KCTD14: variants seen among roughly 807,000 people sequenced by gnomAD.
The protein encoded by KCTD14 is BTB/POZ domain-containing protein KCTD14.
KCTD14 carries 7 observed loss-of-function variants against 5.9 expected under a neutral mutation model. That is an observed-to-expected ratio of 1.19 (90% confidence interval 0.68 to 2.23). The LOEUF (loss-of-function observed/expected upper bound fraction) is 2.23. Among genes scored for constraint, KCTD14 ranks in the 30% most tolerant of loss-of-function variants. The pLI is 0.00. For synonymous variants in KCTD14, 140 were observed against 133.1 expected (o/e 1.05, Z -0.36); for missense variants, 342 against 332.2 (o/e 1.03, Z -0.23).
At chr11:78,023,812 G>C (rs1362470089), upstream of KCTD14, 1 of 153,522 alleles carries the variant, frequency 6.5e-6, no homozygotes, top group African/African-American at 2.4e-5. Context: ...GAGGCAGAAG[G>C]AATTGACATT....
upstream of KCTD14, among the ~76,000 whole-genome samples, chr11:78,024,591 G>T (rs1282239731): frequency 1.3e-5 from 2 of 151,678 alleles, no homozygotes; most frequent in East Asian, 3.9e-4. Flanking sequence ...TTTCGTTTCT[G>T]TCTAACATTA....
At chr11:78,024,411 TACACACAC>T (rs58091495), upstream of KCTD14, among the ~76,000 whole-genome samples, 29 of 116,874 alleles carry the variant, frequency 2.5e-4, no homozygotes, top group African/African-American at 7.9e-4. Context: ...TATATATATA[TACACACAC>T]ACACACACAC....
At chr11:78,023,111 G>C (rs770525488) in intron 1 of KCTD14, 49 bp downstream of exon 1, 1 of 1,249,158 alleles carries the variant, frequency 8.0e-7, no homozygotes, top group Non-Finnish European at 1.1e-6. Context: ...GAGGCGGAGG[G>C]AAGAGGCGGA....
intron 2 of KCTD14, among the ~76,000 whole-genome samples, chr11:78,028,665 G>A (rs1857535685): frequency 6.6e-6 from 1 of 151,362 alleles, no homozygotes; most frequent in African/African-American, 2.4e-5. Flanking sequence ...GTGGAGCCAG[G>A]CATGGTGACT....
At chr11:78,033,243 T>C (rs1857680014) in intron 2 of KCTD14, among the ~76,000 whole-genome samples, 1 of 152,204 alleles carries the variant, frequency 6.6e-6, no homozygotes, top group Admixed American at 6.5e-5. Context: ...TGCGTCATTG[T>C]TTGCAAAAGC....
At chr11:78,033,896 T>TAC (rs1857708840) in intron 2 of KCTD14, among the ~76,000 whole-genome samples, 2 of 121,680 alleles carry the variant, frequency 1.6e-5, no homozygotes, top group African/African-American at 7.1e-5. Context: ...TGTATGTGTG[T>TAC]GTGTGTATAT....
chr11:78,032,352 T>A (rs4945241), intron 2 of KCTD14, among the ~76,000 whole-genome samples: 1 of 152,164 alleles, frequency 6.6e-6, no homozygotes. Context: ...AGCTCTTGGG[T>A]CTTTTAACCC....
At chr11:78,024,443 C>CATAT (rs1265343544), upstream of KCTD14, among the ~76,000 whole-genome samples, 47 of 63,192 alleles carry the variant, frequency 7.4e-4, 1 homozygote, top group Non-Finnish European at 2.6e-4. Flanking sequence ...CACACACACA[C>CATAT]ACATATATAT....
intron 1 of KCTD14, among the ~76,000 whole-genome samples, chr11:78,042,086 C>T (rs959452127): frequency 6.6e-6 from 1 of 152,216 alleles, no homozygotes; most frequent in African/African-American, 2.4e-5. Context: ...ACCACCTTCA[C>T]AAAATTATCA....
chr11:78,023,380 G>A (rs1857360925), upstream of KCTD14: 2 of 833,304 alleles, frequency 2.4e-6, no homozygotes, highest in Non-Finnish European at 3.8e-6. Flanking sequence ...GAAAGAAATG[G>A]ACAGTCTGTC....
At chr11:78,022,847 A>T (rs541808306) in intron 1 of KCTD14, 6 of 302,838 alleles carry the variant, frequency 2.0e-5, no homozygotes, top group Middle Eastern at 9.3e-4. Context: ...GGCTAGGACA[A>T]GCCGGTGGGG....
intron 2 of KCTD14, among the ~76,000 whole-genome samples, chr11:78,036,018 G>C (rs1383137775): frequency 1.3e-5 from 2 of 151,452 alleles, no homozygotes; most frequent in Non-Finnish European, 2.9e-5. Flanking sequence ...AATTAGCTGG[G>C]TGTGGTGATG....
At chr11:78,033,039 C>T (rs115982268) in intron 2 of KCTD14, among the ~76,000 whole-genome samples, 1,954 of 152,192 alleles carry the variant, frequency 0.013, 42 homozygotes, top group African/African-American at 0.043. Context: ...TCAGTGTCCT[C>T]ATCTGCAAAA....
chr11:78,035,732 C>T (rs1350000819), intron 2 of KCTD14, among the ~76,000 whole-genome samples: 1 of 149,922 alleles, frequency 6.7e-6, no homozygotes, highest in Non-Finnish European at 1.5e-5. Context: ...GTAATCCCAA[C>T]TACTTGGTAG....
At chr11:78,034,142 CAGG>C (rs1486659773) in intron 2 of KCTD14, among the ~76,000 whole-genome samples, 1 of 151,742 alleles carries the variant, frequency 6.6e-6, no homozygotes, top group Non-Finnish European at 1.5e-5. Flanking sequence ...TTTTTTGAGA[CAGG>C]GTCTCACTCT....
intron 2 of KCTD14, among the ~76,000 whole-genome samples, chr11:78,028,535 G>A (rs1317716515): frequency 6.6e-6 from 1 of 151,604 alleles, no homozygotes; most frequent in African/African-American, 2.4e-5. Flanking sequence ...TCCGGGAGGC[G>A]GAGGTTGCAG....
chr11:78,016,559 C>A lies in KCTD14; in HGVS notation c.*34G>T, dbSNP rs374547036. On this transcript the variant is annotated 3_prime_UTR_variant, in exon 2 of 2. Transcript: ENST00000353172. ...TGGCAACTTTTAATTTCATAAGCCACGCCAGAATTCATAACAGTCTCTGCT... is the reference window on the plus strand; with the variant it reads ...TGGCAACTTTTAATTTCATAAGCCAAGCCAGAATTCATAACAGTCTCTGCT... The A allele has an allele frequency of 6.4e-7, 1 of 1,560,706 alleles. No individual in the cohort carries two copies. Among genetic ancestry groups the A allele is most frequent in the East Asian group, 2.3e-5 (1 of 44,382 alleles).
Position 78,017,264 on chromosome 11 carries a change from T to C in KCTD14, c.97A>G (p.Thr33Ala). ...CCCCCGACGTTCAGCTCCACAACAG[T>C]AGACATCTGGGGGCACAAGAGGCAG... ...SPRPRRPTMSTVVELNVGGEF... is the reference protein window; with the variant it reads ...SPRPRRPTMSAVVELNVGGEF... Residue 33 changes from threonine to alanine, a missense_variant, in exon 2 of 2, where the codon ACT becomes GCT. Coordinates refer to ENST00000353172, the MANE Select transcript of KCTD14 (RefSeq NM_023930.4). 1 of 1,590,806 alleles carries C rather than the reference T, an allele frequency of 6.3e-7. No individual in the cohort carries two copies. Among genetic ancestry groups the C allele is most frequent in the Non-Finnish European group, 8.6e-7 (1 of 1,163,604 alleles).
chr11:78,023,203 C>A lies in KCTD14; in HGVS notation c.47G>T (p.Ser16Ile). 1 of 1,607,174 alleles carries A rather than the reference C, an allele frequency of 6.2e-7. No homozygotes were observed. Reference sequence around the variant, plus strand: ...GGGGGACTGGGGCAGAGGGGTCTGGCTCGTCATCCTGCCCACTGGCCGCTC... The same window carrying A: ...GGGGGACTGGGGCAGAGGGGTCTGGATCGTCATCCTGCCCACTGGCCGCTC... ...AVERPVGRMT[S>I]QTPLPQSPRP... Residue 16 changes from serine (S) to isoleucine (I), a missense_variant, in exon 1 of 2, where the codon AGC (serine) becomes ATC (isoleucine). By Grantham distance (142) the Ser-to-Ile change is moderately radical. Transcript: ENST00000353172.
Sources: allele counts gnomAD v4.1 joint callset (sites outside exome capture counted in the v4.1 genomes callset), GRCh38; gene constraint gnomAD v4.1.1; transcripts MANE v1.5; gene names NCBI Gene and HGNC (gene_info 2026-07-23, HGNC 2026-07-21).